Variants in ADAMTS19 observed in about 807,000 individuals in gnomAD.
ADAMTS19 encodes the protein ADAM metallopeptidase with thrombospondin type 1 motif 19, also known as A disintegrin and metalloproteinase with thrombospondin motifs 19.
ADAMTS19 carries 93 observed loss-of-function variants against 153.3 expected under a neutral mutation model. The observed-to-expected ratio is 0.61, with a 90% CI of 0.51 to 0.72. The LOEUF is 0.72. Among genes scored for constraint, ADAMTS19 ranks in the 30% least tolerant of loss-of-function variants. The pLI is 0.00. For missense variants in ADAMTS19, 1,482 were observed against 1,552.1 expected (o/e 0.95, Z 0.76); for synonymous variants, 600 against 556.6 (o/e 1.08, Z -1.10).
chr5:129,524,821 C>T (rs1216651399), intron 3 of ADAMTS19, among the ~76,000 whole-genome samples: 1 of 151,682 alleles, frequency 6.6e-6, no homozygotes, highest in Non-Finnish European at 1.5e-5. Flanking sequence ...TGTGCCCATG[C>T]CCAGGCTCTA....
At position 129,608,116 on chromosome 5, in the gene ADAMTS19, G is replaced by GTGTGTGTATATA. The variant is rs377008786; in HGVS notation, c.1478+11453_1478+11454insGTGTGTATATAT. On this transcript the variant is annotated intron_variant, in intron 8 of 22. Transcript: ENST00000274487. The stretch of plus-strand genomic sequence containing the variant: ...TGTGTGTGTGTGTGTGTGTGTGTGT[G>GTGTGTGTATATA]TATATATATATATATATATATATAA... Among the ~76,000 whole-genome samples, 440 of 47,946 alleles carry GTGTGTGTATATA rather than the reference G, an allele frequency of 9.2e-3. 8 individuals carry two copies. The highest frequency in any genetic ancestry group is 0.017 in the South Asian group (17 of 1,030). The allele number at this position is 47,946 out of a possible 152,430, so 31.5% of individuals were successfully genotyped here. A position where few individuals can be genotyped will look rare whatever the true frequency, so the allele number is the denominator to read the frequency against.
At chr5:129,537,007 T>C (rs921242165) in intron 6 of ADAMTS19, among the ~76,000 whole-genome samples, 5 of 151,804 alleles carry the variant, frequency 3.3e-5, no homozygotes, top group Non-Finnish European at 5.9e-5. Flanking sequence ...CATGTATACA[T>C]ATGTAACTAA....
intron 10 of ADAMTS19, among the ~76,000 whole-genome samples, chr5:129,623,530 G>A (rs1751881258): frequency 1.3e-5 from 2 of 152,072 alleles, no homozygotes; most frequent in African/African-American, 4.8e-5. Flanking sequence ...TGCTGTTTTG[G>A]GTAACTGTCA....
chr5:129,612,560 G>A lies in ADAMTS19; in HGVS notation c.1479-8058G>A, dbSNP rs528973974. 5.3e-5 allele frequency among the ~76,000 whole-genome samples: 8 copies of A among 152,154 alleles called. No homozygotes were observed. In the South Asian group the frequency reaches 1.5e-3, roughly 28 times the overall value. On this transcript the variant is annotated intron_variant, in intron 8 of 22. Transcript: ENST00000274487. ...GAAGCACTAAACATGGAAAGGAACA[G>A]CTGGTACCAGCCACTGCAAAAACAT...
intron 6 of ADAMTS19, among the ~76,000 whole-genome samples, chr5:129,550,098 ATG>A (rs1308531026): frequency 4.5e-5 from 3 of 66,526 alleles, no homozygotes; most frequent in African/African-American, 5.9e-5. Context: ...CTGTATATGT[ATG>A]TATCTAGATA....
At chr5:129,667,543 A>G (rs1303547879) in intron 16 of ADAMTS19, among the ~76,000 whole-genome samples, 2 of 152,024 alleles carry the variant, frequency 1.3e-5, no homozygotes, top group African/African-American at 2.4e-5. Context: ...CTGTCCTCAC[A>G]ATAGTGATTT....
rs762257015 is a variant in ADAMTS19 at position 129,620,758 on chromosome 5, G to C, written c.1619G>C (p.Arg540Thr). ...AAGGAAGATTTGGAAAGATTTCTCA[G>C]GTATGGAGGTCACTTATTGTTTTTG... ...CSKEDLERFL[R>T]SKASNCLLQT... is the part of the protein sequence containing the mutation. Residue 540 changes from arginine to threonine, a missense_variant and splice_region_variant, in exon 9 of 23, where the codon AGG (arginine) becomes ACG (threonine). This residue lies in a region of ADAMTS19 where 866 missense variants were observed against 827.7 expected (regional missense o/e 1.05). Coordinates refer to ENST00000274487, the MANE Select transcript of ADAMTS19 (RefSeq NM_133638.6). 3 of 1,611,092 alleles carry C rather than the reference G, an allele frequency of 1.9e-6. No homozygotes were observed. Among genetic ancestry groups the C allele is most frequent in the Admixed American group, 3.3e-5 (2 of 59,712 alleles).
At chr5:129,558,228 A>G (rs764256311) in intron 7 of ADAMTS19, among the ~76,000 whole-genome samples, 2 of 152,124 alleles carry the variant, frequency 1.3e-5, no homozygotes, top group African/African-American at 2.4e-5. Context: ...ATGCACTGAA[A>G]ATTTTAGGCA....
chr5:129,582,313 CTCT>C (rs1749555887), intron 7 of ADAMTS19, among the ~76,000 whole-genome samples: 2 of 151,390 alleles, frequency 1.3e-5, no homozygotes, highest in South Asian at 4.2e-4. Context: ...GGATAGTTAG[CTCT>C]TCTTGTTGCG....
rs151320142 is a variant in ADAMTS19 at position 129,644,283 on chromosome 5, G to C, written c.1872+2323G>C. On this transcript the variant is annotated intron_variant, in intron 11 of 22. Transcript: ENST00000274487. ...CTTCTTCAAATATTCATCTGTTTCA[G>C]CTCTTTTAGAAGCCATCGTGAAAAT... Among the ~76,000 whole-genome samples the C allele has an allele frequency of 2.7e-3, 418 of 152,204 alleles. 2 individuals carry two copies. Among genetic ancestry groups the C allele is most frequent in the African/African-American group, 9.1e-3 (376 of 41,510 alleles).
chr5:129,576,666 G>A (rs533975570), intron 7 of ADAMTS19, among the ~76,000 whole-genome samples: 2 of 151,676 alleles, frequency 1.3e-5, no homozygotes, highest in Non-Finnish European at 2.9e-5. Context: ...CCAAGGAGCT[G>A]GGAGGGGGAC....
At chr5:129,526,879 C>T (rs1283584871) in intron 4 of ADAMTS19, among the ~76,000 whole-genome samples, 1 of 151,506 alleles carries the variant, frequency 6.6e-6, no homozygotes, top group Non-Finnish European at 1.5e-5. Flanking sequence ...TAGAGGTATA[C>T]TTTTGGTGAA....
At chr5:129,517,032 G>T (rs1751639392) in intron 3 of ADAMTS19, among the ~76,000 whole-genome samples, 1 of 150,298 alleles carries the variant, frequency 6.7e-6, no homozygotes, top group African/African-American at 2.4e-5. Flanking sequence ...TTTCTTCATT[G>T]ACCCACTGGT....
chr5:129,536,107 C>T (rs1183603219), intron 6 of ADAMTS19, among the ~76,000 whole-genome samples: 1 of 152,084 alleles, frequency 6.6e-6, no homozygotes, highest in African/African-American at 2.4e-5. Context: ...AAAGAAACTA[C>T]CATTGGAATG....
At chr5:129,675,876 A>G (rs1182358177) in intron 16 of ADAMTS19, among the ~76,000 whole-genome samples, 1 of 152,030 alleles carries the variant, frequency 6.6e-6, no homozygotes, top group South Asian at 2.1e-4. Flanking sequence ...TAAAAATACA[A>G]AAATTAGCTG....
intron 19 of ADAMTS19, among the ~76,000 whole-genome samples, chr5:129,698,835 A>C (rs1174310261): frequency 6.6e-6 from 1 of 152,178 alleles, no homozygotes; most frequent in Non-Finnish European, 1.5e-5. Flanking sequence ...CTAAATTTGG[A>C]AGATGTGCAC....
At chr5:129,639,223 T>C (rs1045937029) in intron 10 of ADAMTS19, among the ~76,000 whole-genome samples, 13 of 152,168 alleles carry the variant, frequency 8.5e-5, no homozygotes, top group Admixed American at 2.6e-4. Flanking sequence ...TCTAATATAA[T>C]ACCCGTAATG....
At chr5:129,576,593 T>C (rs1029294811) in intron 7 of ADAMTS19, among the ~76,000 whole-genome samples, 3 of 152,042 alleles carry the variant, frequency 2.0e-5, no homozygotes, top group African/African-American at 7.2e-5. Context: ...ATTCTTTTTT[T>C]TTTTTTTAGT....
chr5:129,590,076 T>G (rs1750028277), intron 7 of ADAMTS19, among the ~76,000 whole-genome samples: 2 of 152,188 alleles, frequency 1.3e-5, no homozygotes, highest in African/African-American at 4.8e-5. Flanking sequence ...TTTTCAAATA[T>G]GCTTGATGGT....
Sources: gnomAD v4.1 joint callset for allele counts (sites outside exome capture counted in the v4.1 genomes callset) on GRCh38, gnomAD v4.1.1 for gene constraint, gnomAD v4.1.1 regional missense constraint, MANE v1.5 for transcripts, NCBI Gene and HGNC (gene_info 2026-07-23, HGNC 2026-07-21) for gene names.